The following SND1 variants were observed in gnomAD, a reference collection of about 807,000 sequenced individuals.
SND1 encodes the protein staphylococcal nuclease domain-containing protein 1.
SND1 carries 38 observed loss-of-function variants against 121.7 expected under a neutral mutation model. That is an observed-to-expected ratio of 0.31 (90% confidence interval 0.24 to 0.41). SND1 has a LOEUF of 0.41. Among genes scored for constraint, SND1 ranks in the 10% least tolerant of loss-of-function variants. The pLI, the probability that SND1 is intolerant of heterozygous loss-of-function variation, is 1.00. For synonymous variants in SND1, 401 were observed against 447.4 expected (o/e 0.90, Z 1.31); for missense variants, 868 against 1,184.6 (o/e 0.73, Z 3.92).
At chr7:127,979,783 C>G (rs1286129910) in intron 15 of SND1, among the ~76,000 whole-genome samples, 1 of 152,156 alleles carries the variant, frequency 6.6e-6, no homozygotes, top group Non-Finnish European at 1.5e-5. Context: ...TTATTATATC[C>G]TATAACATGT....
rs367576985 is a variant in SND1 at position 127,686,602 on chromosome 7, C to A, written c.79-11C>A. On this transcript the variant is annotated splice_polypyrimidine_tract_variant and intron_variant, in intron 1 of 23. Coordinates refer to ENST00000354725, the MANE Select transcript of SND1 (RefSeq NM_014390.4). ...TGGACCATTCATTTTCTCTTTCTTCCCCCTACGTAGGTCCTCTCAGGGTGC... is the reference window on the plus strand; with the variant it reads ...TGGACCATTCATTTTCTCTTTCTTCACCCTACGTAGGTCCTCTCAGGGTGC... 1.1e-5 allele frequency: 17 copies of A among 1,611,578 alleles called. No individual in the cohort carries two copies. The highest frequency in any genetic ancestry group is 1.4e-5 in the Non-Finnish European group (17 of 1,178,380).
At chr7:127,686,791 C>G in intron 2 of SND1, 29 bp downstream of exon 2, 1 of 1,600,942 alleles carries the variant, frequency 6.2e-7, no homozygotes, top group Non-Finnish European at 8.6e-7. Flanking sequence ...CATCGTGAGC[C>G]TGTGGACCTA....
intron 1 of SND1, among the ~76,000 whole-genome samples, chr7:127,662,196 AAC>A (rs1336624297): frequency 6.6e-6 from 1 of 152,136 alleles, no homozygotes; most frequent in Non-Finnish European, 1.5e-5. Context: ...AGCAAACGTC[AAC>A]AGTGTATTTG....
chr7:127,967,807 G>GCT (rs1430342743), intron 15 of SND1, among the ~76,000 whole-genome samples: 1 of 152,208 alleles, frequency 6.6e-6, no homozygotes, highest in African/African-American at 2.4e-5. Context: ...GAGGTCATTA[G>GCT]CTCTCTCATC....
intron 11 of SND1, among the ~76,000 whole-genome samples, chr7:127,830,020 T>C (rs1034902112): frequency 6.6e-6 from 1 of 152,200 alleles, no homozygotes; most frequent in African/African-American, 2.4e-5. Context: ...ATGGTGGATT[T>C]CATGTTACAT....
chr7:127,846,292 T>C (rs190982304), intron 12 of SND1, among the ~76,000 whole-genome samples: 3 of 152,320 alleles, frequency 2.0e-5, no homozygotes, highest in Admixed American at 2.0e-4. Context: ...TTTTTAGAAG[T>C]TTAGAAGCAT....
chr7:127,849,635 T>A (rs138947539), intron 12 of SND1, among the ~76,000 whole-genome samples: 9 of 152,244 alleles, frequency 5.9e-5, no homozygotes, highest in Non-Finnish European at 1.2e-4. Flanking sequence ...ACAATACACA[T>A]GGCCCATTTT....
intron 10 of SND1, among the ~76,000 whole-genome samples, chr7:127,772,992 C>T (rs1797543997): frequency 6.6e-6 from 1 of 152,194 alleles, no homozygotes; most frequent in Non-Finnish European, 1.5e-5. Flanking sequence ...TTTTTATTTT[C>T]CAGATTATGC....
At chr7:127,721,483 A>T in intron 10 of SND1, 83 bp downstream of exon 10, 1 of 711,684 alleles carries the variant, frequency 1.4e-6, no homozygotes, top group Non-Finnish European at 2.5e-6. Flanking sequence ...GACATATATA[A>T]TACATATATG....
At chr7:127,914,506 T>A (rs1018905735) in intron 14 of SND1, among the ~76,000 whole-genome samples, 1 of 152,124 alleles carries the variant, frequency 6.6e-6, no homozygotes, top group African/African-American at 2.4e-5. Context: ...ATTTCATAAG[T>A]TGTTTAATAT....
intron 1 of SND1, among the ~76,000 whole-genome samples, chr7:127,673,270 C>T (rs941695800): frequency 6.7e-6 from 1 of 148,306 alleles, no homozygotes; most frequent in Non-Finnish European, 1.5e-5. Context: ...TAATATGTAA[C>T]TAGTACTTTG....
chr7:127,865,764 TC>T (rs1799459730), intron 12 of SND1, among the ~76,000 whole-genome samples: 1 of 151,632 alleles, frequency 6.6e-6, no homozygotes, highest in African/African-American at 2.4e-5. Context: ...GCCATCATGC[TC>T]AGCTAATTTA....
At chr7:128,014,114 T>A (rs1803173470) in intron 16 of SND1, among the ~76,000 whole-genome samples, 1 of 152,156 alleles carries the variant, frequency 6.6e-6, no homozygotes, top group Non-Finnish European at 1.5e-5. Flanking sequence ...CCTGGCCACT[T>A]CTTTTGGAAG....
chr7:127,721,671 G>A (rs188648756), intron 10 of SND1, among the ~76,000 whole-genome samples: 9 of 152,284 alleles, frequency 5.9e-5, no homozygotes, highest in Non-Finnish European at 1.2e-4. Context: ...TGAGGGTTGG[G>A]ATATGTGAGA....
chr7:127,684,774 TTG>T (rs144633140), intron 1 of SND1, among the ~76,000 whole-genome samples: 10 of 152,178 alleles, frequency 6.6e-5, no homozygotes, highest in Middle Eastern at 3.4e-3. Context: ...GACAGTCTTT[TTG>T]TGTGTGTGTG....
In SND1 at chr7:128,081,453, A is replaced by G; in HGVS notation, c.2062A>G (p.Thr688Ala). 1.2e-6 allele frequency: 2 copies of G among 1,614,148 alleles called. No individual in the cohort carries two copies. The highest frequency in any genetic ancestry group is 1.7e-6 in the Non-Finnish European group (2 of 1,180,018). The change falls in exon 18 of 24, where the codon ACT (threonine) becomes GCT (alanine). Residue 688 changes from threonine (T) to alanine (A), a missense_variant. By Grantham distance (58) the Thr-to-Ala change is moderately conservative. This residue lies in a region of SND1 where 743 missense variants were observed against 1,071.3 expected (regional missense o/e 0.69). Transcript: ENST00000354725. Reference sequence around the variant, plus strand: ...TGCTAGCTACAAGCCCGTGTTTGTGACTGAGATCACTGATGACCTGCACTT... The same window carrying G: ...TGCTAGCTACAAGCCCGTGTTTGTGGCTGAGATCACTGATGACCTGCACTT... Reference protein sequence around the residue: ...RSASYKPVFVTEITDDLHFYV... With the variant: ...RSASYKPVFVAEITDDLHFYV...
chr7:128,016,767 A>T (rs907126054), intron 16 of SND1, among the ~76,000 whole-genome samples: 1 of 151,268 alleles, frequency 6.6e-6, no homozygotes, highest in Non-Finnish European at 1.5e-5. Flanking sequence ...TGTAGATTAC[A>T]TGTCTTTTTC....
intron 16 of SND1, among the ~76,000 whole-genome samples, chr7:128,018,462 A>G (rs576790950): frequency 3.9e-5 from 6 of 152,360 alleles, no homozygotes; most frequent in African/African-American, 1.4e-4. Context: ...TTCACAACAC[A>G]GTAATTTAAT....
At chr7:127,878,240 A>C (rs2116712173) in intron 12 of SND1, among the ~76,000 whole-genome samples, 1 of 152,306 alleles carries the variant, frequency 6.6e-6, no homozygotes, top group Non-Finnish European at 1.5e-5. Context: ...AGTATCTAGA[A>C]AATGCTCTCA....
Sources: gnomAD v4.1 joint callset for allele counts (sites outside exome capture counted in the v4.1 genomes callset) on GRCh38, gnomAD v4.1.1 for gene constraint, gnomAD v4.1.1 regional missense constraint, MANE v1.5 for transcripts, NCBI Gene and HGNC (gene_info 2026-07-23, HGNC 2026-07-21) for gene names.